Variants in DAG1 observed in about 807,000 individuals in gnomAD.
DAG1 encodes the protein dystroglycan 1, also known as dystroglycan 1 (dystrophin-associated glycoprotein 1).
DAG1 carries 8 observed loss-of-function variants against 46.1 expected under a neutral mutation model. That is an observed-to-expected ratio of 0.17 (90% CI 0.10 to 0.31). DAG1 has a LOEUF of 0.31. Among genes scored for constraint, DAG1 ranks in the 10% least tolerant of loss-of-function variants. The pLI is 1.00. For synonymous variants in DAG1, 495 were observed against 481.8 expected, an observed-to-expected ratio of 1.03 and a Z score of -0.36; for missense variants, 1,003 against 1,189.9, an observed-to-expected ratio of 0.84 and a Z score of 2.31.
chr3:49,507,000 G>T (rs2050622895), intron 1 of DAG1, among the ~76,000 whole-genome samples: 1 of 150,090 alleles, frequency 6.7e-6, no homozygotes, highest in East Asian at 2.0e-4. Context: ...GTTAAATAAA[G>T]AAAATTCAAT....
chr3:49,499,259 G>A (rs1040882325), intron 1 of DAG1, among the ~76,000 whole-genome samples: 1 of 152,108 alleles, frequency 6.6e-6, no homozygotes, highest in Admixed American at 6.6e-5. Flanking sequence ...TTTCAGAGCC[G>A]GGTACAGTGG....
chr3:49,531,264 G>T lies in DAG1; in HGVS notation c.753G>T (p.Val251=), dbSNP rs1317610684. The change falls in exon 3 of 3, where the codon GTG becomes GTT. Residue 251 remains valine (V), a synonymous_variant. Transcript: ENST00000308775. The surrounding 1 kb of genome is among the most constrained non-coding windows in gnomAD (Gnocchi z 7.0). ...FMAGPGNAKK[V]VENGALLSWK... ...CTGGCCCGGGAAATGCAAAAAAGGT[G>T]GTGGAGAATGGGGCCCTTCTCTCCT... 1.9e-6 allele frequency: 3 copies of T among 1,614,046 alleles called. No individual in the cohort carries two copies. The African/African-American group carries it at 4.0e-5, about 22-fold the overall frequency.
Position 49,532,006 on chromosome 3 carries a change from C to G in DAG1, c.1495C>G (p.Leu499Val), listed in dbSNP as rs2051364686. ...RGGEPNQRPE[L>V]KNHIDRVDAW... ...CGGAGAACCCAACCAGCGCCCAGAG[C>G]TCAAGAACCATATTGACAGGGTAGA... Residue 499 changes from leucine (L) to valine (V), a missense_variant, in exon 3 of 3, where the codon CTC (leucine) becomes GTC (valine). Physicochemically the swap from Leu to Val is conservative, Grantham distance 32. This residue lies in a region of DAG1 where 755 missense variants were observed against 854.1 expected (regional missense o/e 0.88). Coordinates refer to ENST00000308775, the MANE Select transcript of DAG1 (RefSeq NM_004393.6). This position sits in a 1 kb window ranked among gnomAD's most constrained non-coding sequence, Gnocchi z 5.4. The G allele has an allele frequency of 6.2e-7, 1 of 1,614,080 alleles. No homozygotes were observed. Among genetic ancestry groups the G allele is most frequent in the African/African-American group, 1.3e-5 (1 of 74,924 alleles).
At position 49,532,332 on chromosome 3, in the gene DAG1, G is replaced by T. The variant is rs2051377677; in HGVS notation, c.1821G>T (p.Arg607Ser). 6.2e-7 allele frequency: 1 copy of T among 1,614,044 alleles called. No homozygotes were observed. The highest frequency in any genetic ancestry group is 8.5e-7 in the Non-Finnish European group (1 of 1,180,052). ...CCCAAGGGGATAGGGCTCCTGCAAG[G>T]TTCAAGGCCAAGTTTGTGGGTGACC... ...RRPQGDRAPA[R>S]FKAKFVGDPA... is the part of the protein sequence containing the mutation. The change falls in exon 3 of 3, where the codon AGG becomes AGT. Residue 607 changes from arginine to serine, a missense_variant. Transcript: ENST00000308775. This position sits in a 1 kb window ranked among gnomAD's most constrained non-coding sequence, Gnocchi z 5.4.
At chr3:49,511,285 A>G (rs2050754866) in intron 2 of DAG1, among the ~76,000 whole-genome samples, 2 of 152,156 alleles carry the variant, frequency 1.3e-5, no homozygotes, top group South Asian at 4.1e-4. Flanking sequence ...TTAGTACCCA[A>G]ACTTCAGCCT....
chr3:49,528,709 CAG>C (rs1322903620), intron 2 of DAG1, among the ~76,000 whole-genome samples: 12 of 152,268 alleles, frequency 7.9e-5, no homozygotes, highest in African/African-American at 2.6e-4. Context: ...TGGTGAGTGA[CAG>C]GGTGGGAGAT....
intron 2 of DAG1, among the ~76,000 whole-genome samples, chr3:49,529,186 A>G (rs985424291): frequency 2.0e-5 from 3 of 151,718 alleles, no homozygotes; most frequent in Admixed American, 1.3e-4. Flanking sequence ...CAGTAATCTC[A>G]TGGTTAAAAA....
intron 1 of DAG1, among the ~76,000 whole-genome samples, chr3:49,479,632 T>C (rs1273755503): frequency 2.2e-4 from 6 of 27,310 alleles, no homozygotes; most frequent in African/African-American, 6.6e-4. Context: ...ACATTTCTTT[T>C]TTTTTTTTTT....
chr3:49,478,037 C>A (rs536828209), intron 1 of DAG1, among the ~76,000 whole-genome samples: 5 of 150,526 alleles, frequency 3.3e-5, no homozygotes, highest in Admixed American at 6.6e-5. Flanking sequence ...GAGGCCGAGG[C>A]GGGTACATCA....
intron 1 of DAG1, among the ~76,000 whole-genome samples, chr3:49,507,698 A>G (rs2050644723): frequency 1.4e-5 from 2 of 145,110 alleles, no homozygotes; most frequent in Admixed American, 1.4e-4. Flanking sequence ...GACAGTCTCA[A>G]TCTGTCATCC....
At chr3:49,474,907 G>T (rs1247836402) in intron 1 of DAG1, among the ~76,000 whole-genome samples, 2 of 151,494 alleles carry the variant, frequency 1.3e-5, no homozygotes, top group Non-Finnish European at 2.9e-5. Context: ...CGCCTCCCAG[G>T]TTCATGCCAT....
intron 1 of DAG1, among the ~76,000 whole-genome samples, chr3:49,495,650 A>G (rs1323842105): frequency 6.6e-6 from 1 of 150,800 alleles, no homozygotes; most frequent in African/African-American, 2.5e-5. Flanking sequence ...GGCCGGGCAC[A>G]GTGGCTCATG....
chr3:49,507,436 G>A lies in DAG1; in HGVS notation c.-116-2983G>A, dbSNP rs531678948. ...AAATTAGCTGGGCGTAGTGGTGGGA[G>A]CCTGTAATCCCAGCTACTTGGGAGG... On this transcript the variant is annotated intron_variant, in intron 1 of 2. Coordinates refer to ENST00000308775, the MANE Select transcript of DAG1 (RefSeq NM_004393.6). Among the ~76,000 whole-genome samples the A allele has an allele frequency of 2.0e-5, 3 of 152,134 alleles. 1 individual carries two copies. In the Middle Eastern group the frequency reaches 0.01, roughly 517 times the overall value.
chr3:49,481,411 A>T (rs1044086444), intron 1 of DAG1, among the ~76,000 whole-genome samples: 1 of 151,940 alleles, frequency 6.6e-6, no homozygotes, highest in Non-Finnish European at 1.5e-5. Flanking sequence ...AAAAAAAAAA[A>T]AAAAAGTGAA....
chr3:49,484,582 G>A (rs1333590866), intron 1 of DAG1, among the ~76,000 whole-genome samples: 2 of 152,132 alleles, frequency 1.3e-5, no homozygotes, highest in Non-Finnish European at 2.9e-5. Flanking sequence ...GCCCTGAGCT[G>A]CCTGTGCCCT....
chr3:49,507,920 G>A (rs980524050), intron 1 of DAG1, among the ~76,000 whole-genome samples: 8 of 151,844 alleles, frequency 5.3e-5, no homozygotes, highest in Middle Eastern at 3.2e-3. Flanking sequence ...GAATCTGTTC[G>A]TTTAGTTTGA....
rs2051403949 is a variant in DAG1 at position 49,532,932 on chromosome 3, C to T, written c.2421C>T (p.Ser807=). Reference sequence around the variant, plus strand: ...TCTTTGCAGACGAACTGGACGACTCCAAGCCCCCACCCTCCTCCAGCATGC... The same window carrying T: ...TCTTTGCAGACGAACTGGACGACTCTAAGCCCCCACCCTCCTCCAGCATGC... ...PIIFADELDD[S]KPPPSSSMPL... Residue 807 remains serine (S), a synonymous_variant, in exon 3 of 3, where the codon TCC becomes TCT. Transcript: ENST00000308775. The surrounding 1 kb of genome is among the most constrained non-coding windows in gnomAD (Gnocchi z 5.4). 2 of 1,614,016 alleles carry T rather than the reference C, an allele frequency of 1.2e-6. No individual in the cohort carries two copies. Among genetic ancestry groups the T allele is most frequent in the Admixed American group, 3.3e-5 (2 of 60,004 alleles).
rs376602004 is a variant in DAG1 at position 49,531,476 on chromosome 3, C to T, written c.965C>T (p.Thr322Ile). Residue 322 changes from threonine to isoleucine, a missense_variant, in exon 3 of 3, where the codon ACT becomes ATT. Physicochemically the swap from Thr to Ile is moderately conservative, Grantham distance 89. Coordinates refer to ENST00000308775, the MANE Select transcript of DAG1 (RefSeq NM_004393.6). This position sits in a 1 kb window ranked among gnomAD's most constrained non-coding sequence, Gnocchi z 7.0. ...ATCCATGCTACACCCACACCTGTCA[C>T]TGCCATTGGGCCCCCAACCACGGCT... is the stretch of plus-strand genomic sequence containing the variant. ...RQIHATPTPV[T>I]AIGPPTTAIQ... The T allele has an allele frequency of 8.3e-5, 134 of 1,613,900 alleles. No individual in the cohort carries two copies. Among genetic ancestry groups the T allele is most frequent in the Non-Finnish European group, 1.1e-4 (125 of 1,179,958 alleles).
chr3:49,520,262 T>C (rs1209843679), intron 2 of DAG1, among the ~76,000 whole-genome samples: 1 of 152,230 alleles, frequency 6.6e-6, no homozygotes, highest in Non-Finnish European at 1.5e-5. Context: ...ATTTATCTCA[T>C]TGTCTTAGTC....
Sources: gnomAD v4.1 joint callset for allele counts (sites outside exome capture counted in the v4.1 genomes callset) on GRCh38, gnomAD v4.1.1 for gene constraint, gnomAD v4.1.1 regional missense constraint, Gnocchi (gnomAD v3.1) non-coding constraint, MANE v1.5 for transcripts, NCBI Gene and HGNC (gene_info 2026-07-23, HGNC 2026-07-21) for gene names.